The following ARAP1 variants were observed in gnomAD, a reference collection of about 807,000 sequenced individuals.
ARAP1 encodes ArfGAP with RhoGAP domain, ankyrin repeat and PH domain 1.
A neutral mutation model predicts 172.2 loss-of-function variants in ARAP1; 76 were observed. That is an observed-to-expected ratio of 0.44 (90% CI 0.37 to 0.53). The LOEUF (loss-of-function observed/expected upper bound fraction) is 0.53. Ranked by LOEUF, ARAP1 falls within the 20% of genes least tolerant of loss-of-function variation. ARAP1 has a pLI of 0.00. For synonymous variants in ARAP1, 804 were observed against 803.3 expected (o/e 1.00, Z -0.01); for missense variants, 1,686 against 1,977.5 (o/e 0.85, Z 2.80).
intron 2 of ARAP1, 133 bp from the exon 3 acceptor site, chr11:72,727,305 G>T (rs1353608983): frequency 3.9e-6 from 3 of 760,310 alleles, no homozygotes; most frequent in Non-Finnish European, 6.2e-6. Flanking sequence ...TGCTCCATGT[G>T]CTAAGCAAGG....
At position 72,726,513 on chromosome 11, in the gene ARAP1, A is replaced by C. The variant is rs1180711411; in HGVS notation, c.509+107T>G. ...GCTTTGCACACGCTGTTCCCCCTGC[A>C]CTTCCGAAGTGCCTTTCTTACCCCA... On this transcript the variant is annotated intron_variant, in intron 3 of 34. Transcript: ENST00000393609. The surrounding 1 kb of genome is among the most constrained non-coding windows in gnomAD (Gnocchi z 6.5). 7.3e-7 allele frequency: 1 copy of C among 1,365,918 alleles called. No individual in the cohort carries two copies. Among genetic ancestry groups the C allele is most frequent in the Admixed American group, 2.8e-5 (1 of 35,178 alleles). 84.6% of individuals were successfully genotyped at this position (1,365,918 alleles called of 1,614,324 possible). A position where few individuals can be genotyped will look rare whatever the true frequency, so the allele number is the denominator to read the frequency against.
Position 72,698,145 on chromosome 11 carries a change from G to A in ARAP1, c.2542-39C>T, listed in dbSNP as rs750439607. ...GCCGGGGGAGACAGCATCAGCCAACGGCACTGCCTGCCCCAATGCCCCAGC... is the reference window on the plus strand; with the variant it reads ...GCCGGGGGAGACAGCATCAGCCAACAGCACTGCCTGCCCCAATGCCCCAGC... On this transcript the variant is annotated intron_variant, in intron 18 of 34. Transcript: ENST00000393609. 12 of 1,530,754 alleles carry A rather than the reference G, an allele frequency of 7.8e-6. No homozygotes were observed. In the African/African-American group the frequency reaches 1.1e-4, roughly 14 times the overall value. 94.8% of individuals were successfully genotyped at this position (1,530,754 alleles called of 1,614,324 possible).
chr11:72,734,664 G>A (rs1014830584), intron 1 of ARAP1, among the ~76,000 whole-genome samples: 8 of 152,158 alleles, frequency 5.3e-5, no homozygotes, highest in African/African-American at 1.9e-4. Context: ...GATAAAGGGA[G>A]GTTAAACAAC....
rs1213770690 is a variant in ARAP1, at chr11:72,714,171, T to A, written c.660A>T (p.Val220=). ...PCPPEIPPKP[V]RLFPEFDDSD... Reference sequence around the variant, plus strand: ...ACTCACCGAACTCTGGGAACAGGCGTACCGGCTTTGGAGGTATCTCCGGGG... The same window carrying A: ...ACTCACCGAACTCTGGGAACAGGCGAACCGGCTTTGGAGGTATCTCCGGGG... The change falls in exon 4 of 35, where the codon GTA becomes GTT. Residue 220 remains valine (V), a synonymous_variant. Coordinates refer to ENST00000393609, the MANE Select transcript of ARAP1 (RefSeq NM_001040118.3). 1 of 1,503,306 alleles carries A rather than the reference T, an allele frequency of 6.7e-7. No individual in the cohort carries two copies. The highest frequency in any genetic ancestry group is 2.7e-5 in the Admixed American group (1 of 37,676). 93.1% of individuals were successfully genotyped at this position (1,503,306 alleles called of 1,614,324 possible).
intron 2 of ARAP1, among the ~76,000 whole-genome samples, chr11:72,730,757 T>C (rs1857841833): frequency 6.6e-6 from 1 of 152,212 alleles, no homozygotes; most frequent in Non-Finnish European, 1.5e-5. Flanking sequence ...TTAGCCTGCA[T>C]TTTTACTGGC....
At chr11:72,719,585 C>T (rs1273088919) in intron 3 of ARAP1, among the ~76,000 whole-genome samples, 2 of 152,204 alleles carry the variant, frequency 1.3e-5, no homozygotes, top group Non-Finnish European at 2.9e-5. Flanking sequence ...AGACCCAGGC[C>T]CTACAGGCTG....
Position 72,707,324 on chromosome 11 carries a change from T to C in ARAP1, c.1574A>G (p.Gln525Arg). The C allele has an allele frequency of 6.2e-7, 1 of 1,613,654 alleles. No individual in the cohort carries two copies. Among genetic ancestry groups the C allele is most frequent in the Non-Finnish European group, 8.5e-7 (1 of 1,179,896 alleles). The change falls in exon 12 of 35, where the codon CAG (glutamine) becomes CGG (arginine). Residue 525 changes from glutamine to arginine, a missense_variant. Transcript: ENST00000393609. ...AGACAGGGCCTCAGCGATGGCTCCC[T>C]GCATGGCCTCCAACCACTGCTCCTT... ...LEKEQWLEAM[Q>R]GAIAEALSTS...
chr11:72,710,047 G>C lies in ARAP1; in HGVS notation c.1417-71C>G, dbSNP rs982525902. The C allele has an allele frequency of 1.4e-6, 2 of 1,395,528 alleles. No individual in the cohort carries two copies. Among genetic ancestry groups the C allele is most frequent in the Admixed American group, 3.4e-5 (2 of 59,056 alleles). 86.4% of individuals were successfully genotyped at this position (1,395,528 alleles called of 1,614,324 possible). On this transcript the variant is annotated intron_variant, in intron 10 of 34. Coordinates refer to ENST00000393609, the MANE Select transcript of ARAP1 (RefSeq NM_001040118.3). The surrounding 1 kb of genome is among the most constrained non-coding windows in gnomAD (Gnocchi z 4.3). ...GGCGTGAGGCTTGGGACAGGGAGAG[G>C]AAGGGAAGGTGGTGCAACTCAGGGA... is the stretch of plus-strand genomic sequence containing the variant.
chr11:72,695,359 C>G lies in ARAP1; in HGVS notation c.3576+28G>C, dbSNP rs1421924260. The G allele has an allele frequency of 3.1e-6, 5 of 1,613,944 alleles. No homozygotes were observed. Among genetic ancestry groups the G allele is most frequent in the Non-Finnish European group, 3.4e-6 (4 of 1,179,950 alleles). On this transcript the variant is annotated intron_variant, in intron 26 of 34. Coordinates refer to ENST00000393609, the MANE Select transcript of ARAP1 (RefSeq NM_001040118.3). The surrounding 1 kb of genome is among the most constrained non-coding windows in gnomAD (Gnocchi z 4.4). The stretch of plus-strand genomic sequence containing the variant: ...ACCTGGCCCAGCCTGATTCTCTAGC[C>G]CCTTGGCTTCTAGGTCCCAGCACCT...
At chr11:72,727,624 T>G (rs1429443473) in intron 2 of ARAP1, among the ~76,000 whole-genome samples, 1 of 152,182 alleles carries the variant, frequency 6.6e-6, no homozygotes, top group East Asian at 1.9e-4. Context: ...TTAGCGAGCA[T>G]TGAAGGATAC....
chr11:72,697,495 G>A lies in ARAP1; in HGVS notation c.2790-9C>T. ...CCTGTATGTACAGTGTCCTGGGCCA[G>A]GGACAGTCAGTCACTGAGGGGCCTA... On this transcript the variant is annotated splice_polypyrimidine_tract_variant and intron_variant, in intron 20 of 34. Transcript: ENST00000393609. 2 of 1,612,488 alleles carry A rather than the reference G, an allele frequency of 1.2e-6. No homozygotes were observed. Among genetic ancestry groups the A allele is most frequent in the East Asian group, 2.2e-5 (1 of 44,846 alleles).
intron 32 of ARAP1, 39 bp downstream of exon 32, chr11:72,687,647 CTT>C: frequency 6.2e-7 from 1 of 1,614,104 alleles, no homozygotes; most frequent in African/African-American, 1.3e-5. Context: ...GTGCCACCAT[CTT>C]TCCTCAGCCT....
At chr11:72,737,327 G>A (rs572501042) in intron 1 of ARAP1, among the ~76,000 whole-genome samples, 68 of 152,270 alleles carry the variant, frequency 4.5e-4, no homozygotes, top group Middle Eastern at 3.4e-3. Flanking sequence ...CCTTCTTCAC[G>A]TCTGGCTTGA....
intron 3 of ARAP1, among the ~76,000 whole-genome samples, chr11:72,720,167 C>T (rs1857449543): frequency 6.6e-6 from 1 of 152,198 alleles, no homozygotes. Flanking sequence ...ACCATCAGGG[C>T]TGCCGGCCCA....
rs766386159 is a variant in ARAP1 at position 72,726,642 on chromosome 11, C to T, written c.487G>A (p.Gly163Arg). 1.1e-5 allele frequency: 17 copies of T among 1,521,580 alleles called. No homozygotes were observed. The highest frequency in any genetic ancestry group is 1.3e-5 in the South Asian group (1 of 79,042). The allele number at this position is 1,521,580 out of a possible 1,614,324, so 94.3% of individuals were successfully genotyped here. A position where few individuals can be genotyped will look rare whatever the true frequency, so the allele number is the denominator to read the frequency against. ...LSVPPVPPRT[G>R]PPRLLVSLPT... Reference sequence around the variant, plus strand: ...CACCTCACCAGCAGGCGGGGGGGTCCGGTGCGGGGCGGCACGGGTGGAACG... The same window carrying T: ...CACCTCACCAGCAGGCGGGGGGGTCTGGTGCGGGGCGGCACGGGTGGAACG... The change falls in exon 3 of 35, where the codon GGA (glycine) becomes AGA (arginine). Residue 163 changes from glycine (G) to arginine (R), a missense_variant. Transcript: ENST00000393609. This position sits in a 1 kb window ranked among gnomAD's most constrained non-coding sequence, Gnocchi z 6.5.
rs538780300 is a variant in ARAP1, at chr11:72,686,829, A to G, written c.4185+610T>C. 1.7e-3 allele frequency among the ~76,000 whole-genome samples: 253 copies of G among 152,036 alleles called. 1 individual carries two copies. The highest frequency in any genetic ancestry group is 2.7e-3 in the Admixed American group (41 of 15,280). On this transcript the variant is annotated intron_variant, in intron 33 of 34. Transcript: ENST00000393609. ...GCCCTCGAAGACTCAAGCCTGCACCACACTCTGCCTAAATGCCACCCCCAC... is the reference window on the plus strand; with the variant it reads ...GCCCTCGAAGACTCAAGCCTGCACCGCACTCTGCCTAAATGCCACCCCCAC...
At position 72,687,702 on chromosome 11, in the gene ARAP1, A is replaced by T; in HGVS notation, c.4107T>A (p.His1369Gln). Residue 1369 changes from histidine (H) to glutamine (Q), a missense_variant, in exon 32 of 35, where the codon CAT (histidine) becomes CAA (glutamine). By Grantham distance (24) the His-to-Gln change is conservative (BLOSUM62 0). Around this residue, in one of 5 missense-constraint regions of ARAP1, gnomAD observed 379 missense variants for 500.1 expected, o/e 0.76. Coordinates refer to ENST00000393609, the MANE Select transcript of ARAP1 (RefSeq NM_001040118.3). ...CGCTCACTCACCACTGCTGCTTCTC[A>T]TGTTTCTCTGTCTCATGCACCACTG... ...GFTVVHETEK[H>Q]EKQQWYLCCD... 1 of 1,614,112 alleles carries T rather than the reference A, an allele frequency of 6.2e-7. No homozygotes were observed. The highest frequency in any genetic ancestry group is 8.5e-7 in the Non-Finnish European group (1 of 1,180,008).
chr11:72,709,602 C>T (rs941580959), intron 11 of ARAP1, among the ~76,000 whole-genome samples: 1 of 151,772 alleles, frequency 6.6e-6, no homozygotes, highest in Non-Finnish European at 1.5e-5. Flanking sequence ...GCAGTGGGAG[C>T]AGGAGGCCAG....
chr11:72,717,761 C>T (rs1591218269), intron 3 of ARAP1, among the ~76,000 whole-genome samples: 1 of 152,352 alleles, frequency 6.6e-6, no homozygotes, highest in South Asian at 2.1e-4. Flanking sequence ...ACTCACAGCG[C>T]TCTGTAAGGC....
Sources: gnomAD v4.1 joint callset for allele counts (sites outside exome capture counted in the v4.1 genomes callset) on GRCh38, gnomAD v4.1.1 for gene constraint, gnomAD v4.1.1 regional missense constraint, Gnocchi (gnomAD v3.1) non-coding constraint, MANE v1.5 for transcripts, NCBI Gene and HGNC (gene_info 2026-07-23, HGNC 2026-07-21) for gene names.